Variants in RBMS1 observed in about 807,000 individuals in gnomAD.
RBMS1 encodes the protein RNA binding motif single stranded interacting protein 1, also known as RNA-binding motif, single-stranded-interacting protein 1.
A neutral mutation model predicts 62.3 loss-of-function variants in RBMS1; 17 were observed. The observed-to-expected ratio is 0.27, with a 90% CI of 0.19 to 0.41. The LOEUF is 0.41. RBMS1 is among the 10% of genes least tolerant of loss of function. RBMS1 has a pLI of 1.00. For synonymous variants in RBMS1, 172 were observed against 170.0 expected (o/e 1.01, Z -0.09); for missense variants, 334 against 504.5 (o/e 0.66, Z 3.24).
At chr2:160,387,071 C>G (rs1051454463) in intron 1 of RBMS1, among the ~76,000 whole-genome samples, 3 of 152,166 alleles carry the variant, frequency 2.0e-5, no homozygotes, top group African/African-American at 4.8e-5. Flanking sequence ...TGCTTTCAAC[C>G]AATTTGATCA....
chr2:160,393,689 C>T (rs987836577), intron 1 of RBMS1, among the ~76,000 whole-genome samples: 3 of 150,974 alleles, frequency 2.0e-5, no homozygotes, highest in Non-Finnish European at 4.4e-5. Flanking sequence ...AGGCAGGAGA[C>T]GCACTTGAAT....
intron 1 of RBMS1, among the ~76,000 whole-genome samples, chr2:160,397,224 C>T (rs915663208): frequency 1.3e-5 from 2 of 151,950 alleles, no homozygotes; most frequent in Non-Finnish European, 2.9e-5. Flanking sequence ...TTCCCAAGAG[C>T]ATTATTCCAA....
intron 3 of RBMS1, among the ~76,000 whole-genome samples, chr2:160,314,170 A>G (rs945121615): frequency 6.6e-6 from 1 of 152,232 alleles, no homozygotes; most frequent in African/African-American, 2.4e-5. Context: ...CTTACACAGC[A>G]TAAGCACTAA....
At chr2:160,363,191 T>G (rs1693222288) in intron 2 of RBMS1, among the ~76,000 whole-genome samples, 1 of 152,200 alleles carries the variant, frequency 6.6e-6, no homozygotes, top group South Asian at 2.1e-4. Context: ...TAGGTAACTC[T>G]GGGATACCAA....
intron 1 of RBMS1, among the ~76,000 whole-genome samples, chr2:160,468,453 C>T (rs532171337): frequency 3.3e-5 from 5 of 152,238 alleles, no homozygotes; most frequent in South Asian, 2.1e-4. Flanking sequence ...CTTGAGTAGG[C>T]GTTTTTACTG....
Position 160,274,687 on chromosome 2 carries a change from A to G in RBMS1, c.*85T>C, listed in dbSNP as rs1450525432. 1 of 152,574 alleles carries G rather than the reference A, an allele frequency of 6.6e-6. No homozygotes were observed. The highest frequency in any genetic ancestry group is 1.9e-4 in the East Asian group (1 of 5,202). The allele number at this position is 152,574 out of a possible 1,614,324, so 9.5% of individuals were successfully genotyped here. A position where few individuals can be genotyped will look rare whatever the true frequency, so the allele number is the denominator to read the frequency against. ...TGTGCAAAACTGTCAATAATTTCCT[A>G]AAGCACAATTGATCAGAAAAATCCA... is the stretch of plus-strand genomic sequence containing the variant. On this transcript the variant is annotated 3_prime_UTR_variant, in exon 14 of 14. Coordinates refer to ENST00000348849, the MANE Select transcript of RBMS1 (RefSeq NM_016836.4).
chr2:160,314,017 CACA>C (rs1219594799), intron 3 of RBMS1, among the ~76,000 whole-genome samples: 4 of 152,086 alleles, frequency 2.6e-5, no homozygotes, highest in South Asian at 2.1e-4. Context: ...CTTCCCAGGC[CACA>C]ACAAGTCAAA....
At chr2:160,445,667 G>A (rs1418985542) in intron 1 of RBMS1, among the ~76,000 whole-genome samples, 1 of 152,204 alleles carries the variant, frequency 6.6e-6, no homozygotes, top group East Asian at 1.9e-4. Flanking sequence ...CAATGTGCTT[G>A]CATCTTAATG....
intron 6 of RBMS1, among the ~76,000 whole-genome samples, chr2:160,290,198 C>G (rs1305282394): frequency 6.7e-6 from 1 of 149,590 alleles, no homozygotes; most frequent in Non-Finnish European, 1.5e-5. Context: ...ATCAGGAGAT[C>G]CTATGTGACA....
rs551022592 is a variant in RBMS1 at position 160,278,641 on chromosome 2, G to A, written c.969C>T (p.Pro323=). The change falls in exon 11 of 14, where the codon CCC becomes CCT. Residue 323 remains proline (P), a synonymous_variant. Transcript: ENST00000348849. ...GTAGTGACATGGTGTGCTCCATTGAGGGAGTTAACACGGCACCCTGGGGAG... is the reference window on the plus strand; with the variant it reads ...GTAGTGACATGGTGTGCTCCATTGAAGGAGTTAACACGGCACCCTGGGGAG... ...ILQHPGAVLT[P]SMEHTMSLQP... 1.2e-6 allele frequency: 2 copies of A among 1,612,974 alleles called. No homozygotes were observed. The highest frequency in any genetic ancestry group is 1.7e-5 in the Admixed American group (1 of 59,820).
chr2:160,490,487 T>A (rs1685776543), intron 1 of RBMS1, among the ~76,000 whole-genome samples: 1 of 152,000 alleles, frequency 6.6e-6, no homozygotes, highest in Admixed American at 6.5e-5. Flanking sequence ...TTTCTAATGA[T>A]TTTTTTTCTT....
chr2:160,361,597 A>G (rs1693131946), intron 2 of RBMS1, among the ~76,000 whole-genome samples: 1 of 152,218 alleles, frequency 6.6e-6, no homozygotes, highest in Admixed American at 6.5e-5. Flanking sequence ...TGTTTACACT[A>G]TATTGTAGCT....
chr2:160,391,855 G>A (rs984568162), intron 1 of RBMS1, among the ~76,000 whole-genome samples: 1 of 152,048 alleles, frequency 6.6e-6, no homozygotes, highest in Admixed American at 6.6e-5. Context: ...GCACATGCTT[G>A]TAGTCTCAGC....
At chr2:160,454,155 T>C (rs1684112021) in intron 1 of RBMS1, among the ~76,000 whole-genome samples, 1 of 152,228 alleles carries the variant, frequency 6.6e-6, no homozygotes, top group Non-Finnish European at 1.5e-5. Flanking sequence ...TTGTTACTGT[T>C]CAAATTAAGA....
intron 1 of RBMS1, among the ~76,000 whole-genome samples, chr2:160,397,407 GA>G (rs1178418841): frequency 6.6e-6 from 1 of 151,982 alleles, no homozygotes; most frequent in Non-Finnish European, 1.5e-5. Flanking sequence ...TCACTGTCAG[GA>G]AGACTTCTGA....
chr2:160,376,388 C>T (rs1327310294), intron 1 of RBMS1, among the ~76,000 whole-genome samples: 6 of 152,152 alleles, frequency 3.9e-5, no homozygotes, highest in Non-Finnish European at 8.8e-5. Flanking sequence ...TATTTGCAAT[C>T]TCCCCATAAT....
At chr2:160,371,502 G>A (rs1693721924) in intron 1 of RBMS1, among the ~76,000 whole-genome samples, 2 of 152,122 alleles carry the variant, frequency 1.3e-5, no homozygotes, top group Non-Finnish European at 2.9e-5. Context: ...ATCAGGTCAG[G>A]CAAACAAACT....
chr2:160,438,845 G>A (rs1263101802), intron 1 of RBMS1, among the ~76,000 whole-genome samples: 1 of 151,976 alleles, frequency 6.6e-6, no homozygotes, highest in East Asian at 1.9e-4. Context: ...GCCGGGCAGA[G>A]GCGCCCCTCA....
Position 160,273,521 on chromosome 2 carries a change from A to C in RBMS1, c.*1251T>G, listed in dbSNP as rs964960771. On this transcript the variant is annotated 3_prime_UTR_variant, in exon 14 of 14. Transcript: ENST00000348849. ...TTACCTAATAGAGAGAGAGAGAGAG[A>C]GCTAGTAGCCAATCGTTTTGCTTCT... 1 of 152,104 alleles carries C rather than the reference A, an allele frequency of 6.6e-6. No individual in the cohort carries two copies. Among genetic ancestry groups the C allele is most frequent in the African/African-American group, 2.4e-5 (1 of 41,408 alleles). 9.4% of individuals were successfully genotyped at this position (152,104 alleles called of 1,614,324 possible). A position where few individuals can be genotyped will look rare whatever the true frequency, so the allele number is the denominator to read the frequency against.
Sources: gnomAD v4.1 joint callset for allele counts (sites outside exome capture counted in the v4.1 genomes callset) on GRCh38, gnomAD v4.1.1 for gene constraint, MANE v1.5 for transcripts, NCBI Gene and HGNC (gene_info 2026-07-23, HGNC 2026-07-21) for gene names.